The following SREBF2 variants were observed in gnomAD, a reference collection of about 807,000 sequenced individuals.
SREBF2 encodes the protein sterol regulatory element binding transcription factor 2, also known as sterol regulatory element-binding protein 2.
A neutral mutation model predicts 113.1 loss-of-function variants in SREBF2; 55 were observed. That is an observed-to-expected ratio of 0.49 (90% CI 0.39 to 0.61). SREBF2 has a LOEUF of 0.61. Among genes scored for constraint, SREBF2 ranks in the 20% least tolerant of loss-of-function variants. The pLI, the probability that SREBF2 is intolerant of heterozygous loss-of-function variation, is 0.00. For missense variants in SREBF2, 1,349 were observed against 1,487.4 expected, an observed-to-expected ratio of 0.91 and a Z score of 1.53; for synonymous variants, 593 against 605.7, an observed-to-expected ratio of 0.98 and a Z score of 0.31.
chr22:41,883,196 G>C (rs1285836846), intron 10 of SREBF2, among the ~76,000 whole-genome samples: 2 of 152,206 alleles, frequency 1.3e-5, no homozygotes, highest in East Asian at 3.9e-4. Context: ...AGCAAGGTCA[G>C]AGAGTTGAGG....
rs1048957320 is a variant in SREBF2, at chr22:41,851,650, C to T, written c.89-15181C>T. Among the ~76,000 whole-genome samples, 10 of 152,152 alleles carry T rather than the reference C, an allele frequency of 6.6e-5. No homozygotes were observed. In the South Asian group the frequency reaches 1.2e-3, roughly 19 times the overall value. On this transcript the variant is annotated intron_variant, in intron 1 of 18. Transcript: ENST00000361204. ...CTGGGATTACAGGTGCGTACCACCA[C>T]GCCCAGCTGATTTTTTGTATTTTAA...
Position 41,877,320 on chromosome 22 carries a change from C to G in SREBF2, c.1478C>G (p.Ser493Cys), listed in dbSNP as rs764041669. The G allele has an allele frequency of 6.2e-7, 1 of 1,614,182 alleles. No homozygotes were observed. Among genetic ancestry groups the G allele is most frequent in the Non-Finnish European group, 8.5e-7 (1 of 1,180,032 alleles). ...TGTGTCCTCACCTTCCTGTGCCTCT[C>G]CTTTAACCCCCTGACTTCCCTGCTG... ...LLCVLTFLCL[S>C]FNPLTSLLQW... The change falls in exon 8 of 19, where the codon TCC becomes TGC. Residue 493 changes from serine (S) to cysteine (C), a missense_variant. Physicochemically the swap from Ser to Cys is moderately radical, Grantham distance 112. This residue lies in a region of SREBF2 where 699 missense variants were observed against 843.3 expected (regional missense o/e 0.83). Coordinates refer to ENST00000361204, the MANE Select transcript of SREBF2 (RefSeq NM_004599.4).
At chr22:41,893,350 C>CA in intron 12 of SREBF2, 65 bp downstream of exon 12, 1 of 1,552,426 alleles carries the variant, frequency 6.4e-7, no homozygotes, top group Non-Finnish European at 8.9e-7. Flanking sequence ...ACTACAGAGT[C>CA]ACTGCACCAG....
intron 11 of SREBF2, among the ~76,000 whole-genome samples, chr22:41,891,561 C>T (rs769642379): frequency 6.6e-6 from 1 of 152,172 alleles, no homozygotes; most frequent in South Asian, 2.1e-4. Context: ...TCTGACAGTG[C>T]TATTTCTGAC....
intron 1 of SREBF2, among the ~76,000 whole-genome samples, chr22:41,851,237 G>T (rs1275143132): frequency 6.6e-6 from 1 of 152,066 alleles, no homozygotes; most frequent in Admixed American, 6.6e-5. Context: ...CAGAAAATAA[G>T]TTTATTAGCT....
chr22:41,848,041 G>A (rs1422776371), intron 1 of SREBF2, among the ~76,000 whole-genome samples: 3 of 151,430 alleles, frequency 2.0e-5, no homozygotes, highest in African/African-American at 4.8e-5. Context: ...TCAGCTTCCC[G>A]AGTAGCTGGG....
At chr22:41,840,118 C>A (rs1456068444) in intron 1 of SREBF2, among the ~76,000 whole-genome samples, 2 of 151,982 alleles carry the variant, frequency 1.3e-5, no homozygotes, top group Non-Finnish European at 2.9e-5. Flanking sequence ...ACCTCCACAC[C>A]CAGCTAATTT....
intron 4 of SREBF2, chr22:41,873,590 A>G: frequency 1.7e-6 from 1 of 601,302 alleles, no homozygotes; most frequent in Non-Finnish European, 3.0e-6. Context: ...GTTTATCAGC[A>G]GTGATTCTTG....
intron 1 of SREBF2, among the ~76,000 whole-genome samples, chr22:41,858,419 C>T (rs2076996507): frequency 6.6e-6 from 1 of 152,154 alleles, no homozygotes; most frequent in African/African-American, 2.4e-5. Flanking sequence ...TATAGTTCAT[C>T]ATGTGCATTT....
chr22:41,904,144 C>T (rs549475581), intron 17 of SREBF2, among the ~76,000 whole-genome samples: 18 of 152,284 alleles, frequency 1.2e-4, no homozygotes, highest in African/African-American at 4.3e-4. Flanking sequence ...TCCCAAAGTG[C>T]TGGGATTACA....
intron 8 of SREBF2, 56 bp from the exon 9 acceptor site, chr22:41,877,886 C>T: frequency 6.3e-7 from 1 of 1,595,592 alleles, no homozygotes; most frequent in South Asian, 1.1e-5. Flanking sequence ...CTGTCAGGTG[C>T]CTGGCTGCTC....
In SREBF2 at chr22:41,833,587, A is replaced by C; in HGVS notation, c.88+229A>C. ...GGGATCTGGGGCGCCGCGGGGCCGA[A>C]AGCGGCGCGAGGGTCGCGGGTTCCA... On this transcript the variant is annotated intron_variant, in intron 1 of 18. Transcript: ENST00000361204. This position sits in a 1 kb window ranked among gnomAD's most constrained non-coding sequence, Gnocchi z 4.1. 2 of 417,700 alleles carry C rather than the reference A, an allele frequency of 4.8e-6. No individual in the cohort carries two copies. The highest frequency in any genetic ancestry group is 4.6e-5 in the Admixed American group (1 of 21,694). The allele number at this position is 417,700 out of a possible 1,614,324, so 25.9% of individuals were successfully genotyped here.
chr22:41,880,397 C>CAAAAAAAAAA (rs58272168), intron 9 of SREBF2, among the ~76,000 whole-genome samples: 4 of 87,574 alleles, frequency 4.6e-5, no homozygotes, highest in Admixed American at 2.2e-4. Context: ...ACTAAAAATA[C>CAAAAAAAAAA]AAAAAAAAAA....
At chr22:41,877,503 T>C in intron 8 of SREBF2, 82 bp downstream of exon 8, 2 of 1,514,616 alleles carry the variant, frequency 1.3e-6, no homozygotes, top group Non-Finnish European at 1.8e-6. Context: ...ACTTCTTGGC[T>C]TGGCTACCAG....
chr22:41,847,920 A>T (rs11090062), intron 1 of SREBF2, among the ~76,000 whole-genome samples: 10,117 of 137,406 alleles, frequency 0.074, 709 homozygotes, highest in African/African-American at 0.18. Context: ...TATTATTATT[A>T]TTTTTTTTTT....
intron 1 of SREBF2, among the ~76,000 whole-genome samples, chr22:41,856,754 A>G (rs1316906941): frequency 2.0e-5 from 3 of 152,148 alleles, no homozygotes; most frequent in African/African-American, 7.2e-5. Flanking sequence ...GTTCATAGGA[A>G]GCTTGGAAGC....
chr22:41,892,347 T>C (rs547607477), intron 11 of SREBF2, among the ~76,000 whole-genome samples: 1 of 152,284 alleles, frequency 6.6e-6, no homozygotes, highest in Non-Finnish European at 1.5e-5. Flanking sequence ...CTAAAAGATA[T>C]GTAATTAAAA....
rs766527761 is a variant in SREBF2 at position 41,871,060 on chromosome 22, C to T, written c.867+25C>T. On this transcript the variant is annotated intron_variant, in intron 4 of 18. Transcript: ENST00000361204. ...AGTAAGAGCTGCCTTCTCCCCCACC[C>T]TCCTCCCTCCCCCTTTATTCCTGGA... 5.6e-5 allele frequency: 90 copies of T among 1,613,696 alleles called. No homozygotes were observed. In the East Asian group the frequency reaches 2.0e-3, roughly 35 times the overall value.
intron 7 of SREBF2, among the ~76,000 whole-genome samples, chr22:41,876,153 CAG>C (rs1026702585): frequency 5.9e-5 from 9 of 152,220 alleles, no homozygotes; most frequent in East Asian, 1.9e-4. Flanking sequence ...TGCAGTCTAA[CAG>C]ATAACATTTT....
Sources: allele counts gnomAD v4.1 joint callset (sites outside exome capture counted in the v4.1 genomes callset), GRCh38; gene constraint gnomAD v4.1.1; regional missense constraint gnomAD v4.1.1; non-coding constraint Gnocchi (gnomAD v3.1); transcripts MANE v1.5; gene names NCBI Gene and HGNC (gene_info 2026-07-23, HGNC 2026-07-21).